The following TNR variants were observed in gnomAD, a reference collection of about 807,000 sequenced individuals.
TNR encodes the protein tenascin R, also known as tenascin-R.
Under a neutral mutation model 150.4 loss-of-function variants are expected in TNR, and 45 were observed. The observed-to-expected ratio is 0.30, with a 90% CI of 0.24 to 0.38. TNR has a LOEUF of 0.38. TNR is among the 10% of genes least tolerant of loss of function. The pLI, the probability that TNR is intolerant of heterozygous loss-of-function variation, is 1.00. For missense variants in TNR, 1,544 were observed against 1,759.1 expected (o/e 0.88, Z 2.19); for synonymous variants, 687 against 678.4 (o/e 1.01, Z -0.20).
intron 2 of TNR, among the ~76,000 whole-genome samples, chr1:175,455,451 T>G (rs939063019): frequency 1.3e-5 from 2 of 152,226 alleles, no homozygotes; most frequent in Non-Finnish European, 2.9e-5. Context: ...GCGTTTCCCC[T>G]TTCAAAAGAA....
intron 1 of TNR, among the ~76,000 whole-genome samples, chr1:175,710,267 A>T (rs946121676): frequency 1.3e-5 from 2 of 152,052 alleles, no homozygotes; most frequent in Non-Finnish European, 2.9e-5. Context: ...GTGCGTAGAC[A>T]TGGGAAGGGA....
Position 175,365,926 on chromosome 1 carries a change from C to T in TNR, c.2266G>A (p.Ala756Thr). ...PGAEYIISVTAERGRQQSLES... is the reference protein window; with the variant it reads ...PGAEYIISVTTERGRQQSLES... ...AAGCTCTGCTGCCGACCCCTCTCAG[C>T]AGTGACGGAAATGATGTACTCTGCC... The change falls in exon 11 of 23, where the codon GCT (alanine) becomes ACT (threonine). Residue 756 changes from alanine (A) to threonine (T), a missense_variant. Around this residue, in one of 2 missense-constraint regions of TNR, gnomAD observed 1,254 missense variants for 1,329.4 expected, o/e 0.94. Coordinates refer to ENST00000367674, the MANE Select transcript of TNR (RefSeq NM_003285.3). The T allele has an allele frequency of 6.2e-7, 1 of 1,614,110 alleles. No individual in the cohort carries two copies. Among genetic ancestry groups the T allele is most frequent in the Non-Finnish European group, 8.5e-7 (1 of 1,179,972 alleles).
chr1:175,584,148 C>T (rs12094278), intron 1 of TNR, among the ~76,000 whole-genome samples: 18,492 of 152,136 alleles, frequency 0.12, 1,433 homozygotes, highest in African/African-American at 0.22. Context: ...CATTTGGAGA[C>T]AGGATTTTAA....
At chr1:175,475,438 G>A (rs1280959377) in intron 2 of TNR, among the ~76,000 whole-genome samples, 2 of 152,176 alleles carry the variant, frequency 1.3e-5, no homozygotes, top group East Asian at 1.9e-4. Flanking sequence ...AGGGGTGACA[G>A]GAATACAATC....
At chr1:175,445,462 C>T (rs1036982174) in intron 2 of TNR, among the ~76,000 whole-genome samples, 1 of 152,008 alleles carries the variant, frequency 6.6e-6, no homozygotes, top group Non-Finnish European at 1.5e-5. Context: ...ATTTCTTGGT[C>T]TCTCTGTGAA....
Position 175,403,391 on chromosome 1 carries a change from C to T in TNR, c.725G>A (p.Arg242Gln), listed in dbSNP as rs755996382. 1.9e-5 allele frequency: 30 copies of T among 1,614,070 alleles called. No homozygotes were observed. The highest frequency in any genetic ancestry group is 3.3e-5 in the Admixed American group (2 of 60,008). The change falls in exon 4 of 23, where the codon CGG (arginine) becomes CAG (glutamine). Residue 242 changes from arginine (R) to glutamine (Q), a missense_variant. By Grantham distance (43) the Arg-to-Gln change is conservative. Around this residue, in one of 2 missense-constraint regions of TNR, gnomAD observed 1,254 missense variants for 1,329.4 expected, o/e 0.94. Coordinates refer to ENST00000367674, the MANE Select transcript of TNR (RefSeq NM_003285.3). ...ACACTCCCCGTCCACGCAGAGCCCC[C>T]GGGAGCTGCAGTCTGTTGGGCACCG... ...ELRCPTDCSS[R>Q]GLCVDGECVC...
At chr1:175,517,333 T>C (rs902859023) in intron 2 of TNR, among the ~76,000 whole-genome samples, 2 of 152,320 alleles carry the variant, frequency 1.3e-5, no homozygotes, top group African/African-American at 4.8e-5. Context: ...TGTAAGTCAA[T>C]TGTGTGACTT....
Position 175,363,752 on chromosome 1 carries a change from A to T in TNR, c.2663T>A (p.Val888Asp). The change falls in exon 13 of 23, where the codon GTT becomes GAT. Residue 888 changes from valine (V) to aspartate (D), a missense_variant. Coordinates refer to ENST00000367674, the MANE Select transcript of TNR (RefSeq NM_003285.3). ...TACTCGGTAGTAATCGAAAGATGCA[A>T]CAGGAGGGCTCCAGGAGACCATCAC... is the stretch of plus-strand genomic sequence containing the variant. The part of the protein sequence containing the change: ...DSVMVSWSPP[V>D]ASFDYYRVSY... 6.2e-7 allele frequency: 1 copy of T among 1,613,944 alleles called. No homozygotes were observed. The highest frequency in any genetic ancestry group is 2.2e-5 in the East Asian group (1 of 44,866).
At chr1:175,641,786 G>C (rs1354714756) in intron 1 of TNR, among the ~76,000 whole-genome samples, 2 of 152,190 alleles carry the variant, frequency 1.3e-5, no homozygotes, top group African/African-American at 4.8e-5. Flanking sequence ...ACCAAAGCGG[G>C]AGATGTGTTA....
chr1:175,564,236 G>A lies in TNR; in HGVS notation c.-164-35867C>T, dbSNP rs117614663. 1.6e-4 allele frequency among the ~76,000 whole-genome samples: 24 copies of A among 152,256 alleles called. No homozygotes were observed. The East Asian group carries it at 3.3e-3, about 21-fold the overall frequency. On this transcript the variant is annotated intron_variant, in intron 1 of 22. Transcript: ENST00000367674. ...TGTGTCTTCCCTGCCAGAGGCCCTGGGGCCTCCCTCCTGCTGCCTGCCCTG... is the reference window on the plus strand; with the variant it reads ...TGTGTCTTCCCTGCCAGAGGCCCTGAGGCCTCCCTCCTGCTGCCTGCCCTG...
At chr1:175,456,876 A>G (rs1464083959) in intron 2 of TNR, among the ~76,000 whole-genome samples, 1 of 152,226 alleles carries the variant, frequency 6.6e-6, no homozygotes, top group South Asian at 2.1e-4. Context: ...AGGTCAGGGC[A>G]GTAAGGGGAA....
chr1:175,698,053 C>T (rs1666584584), intron 1 of TNR, among the ~76,000 whole-genome samples: 1 of 152,230 alleles, frequency 6.6e-6, no homozygotes, highest in Non-Finnish European at 1.5e-5. Context: ...AACCTACCCT[C>T]TGTGTTTCTC....
At chr1:175,523,296 A>G (rs1225385750) in intron 2 of TNR, among the ~76,000 whole-genome samples, 1 of 152,224 alleles carries the variant, frequency 6.6e-6, no homozygotes, top group African/African-American at 2.4e-5. Context: ...TGAAAAATAA[A>G]AATAAATTTA....
chr1:175,538,461 G>A (rs1321233077), intron 1 of TNR, among the ~76,000 whole-genome samples: 1 of 152,146 alleles, frequency 6.6e-6, no homozygotes, highest in Non-Finnish European at 1.5e-5. Context: ...AGTAGGCCTT[G>A]GAAAATGAAA....
chr1:175,638,532 T>G (rs1428881644), intron 1 of TNR, among the ~76,000 whole-genome samples: 1 of 152,230 alleles, frequency 6.6e-6, no homozygotes, highest in African/African-American at 2.4e-5. Context: ...AATACTGCTC[T>G]GGACCTCTGC....
rs146020717 is a variant in TNR, at chr1:175,708,698, G to C, written c.-165+34528C>G. ...GATGCTGACAGACAAATGAACCATG[G>C]ACTTGGTGGTGAGATGATACAGGGA... On this transcript the variant is annotated intron_variant, in intron 1 of 22. Coordinates refer to ENST00000367674, the MANE Select transcript of TNR (RefSeq NM_003285.3). Among the ~76,000 whole-genome samples, 1,069 of 152,262 alleles carry C rather than the reference G, an allele frequency of 7.0e-3. 12 individuals are homozygous for C. Among genetic ancestry groups the C allele is most frequent in the Middle Eastern group, 0.034 (10 of 294 alleles).
At chr1:175,391,038 A>G (rs1321784780) in intron 7 of TNR, among the ~76,000 whole-genome samples, 1 of 152,216 alleles carries the variant, frequency 6.6e-6, no homozygotes, top group Non-Finnish European at 1.5e-5. Flanking sequence ...CATAAATACA[A>G]TGGAAATATT....
At chr1:175,730,999 G>C (rs566712110) in intron 1 of TNR, among the ~76,000 whole-genome samples, 7 of 152,256 alleles carry the variant, frequency 4.6e-5, no homozygotes, top group African/African-American at 1.7e-4. Flanking sequence ...AGGAAGCTTG[G>C]CCTCTATAGC....
At chr1:175,360,820 C>A (rs556956896) in intron 14 of TNR, among the ~76,000 whole-genome samples, 61 of 152,230 alleles carry the variant, frequency 4.0e-4, no homozygotes, top group African/African-American at 1.4e-3. Context: ...TGCATGATAC[C>A]ACGAGACAAA....
Sources: gnomAD v4.1 joint callset for allele counts (sites outside exome capture counted in the v4.1 genomes callset) on GRCh38, gnomAD v4.1.1 for gene constraint, gnomAD v4.1.1 regional missense constraint, MANE v1.5 for transcripts, NCBI Gene and HGNC (gene_info 2026-07-23, HGNC 2026-07-21) for gene names.